The following DDX47 variants were observed in gnomAD, a reference collection of about 807,000 sequenced individuals.
The protein encoded by DDX47 is DEAD-box helicase 47.
DDX47 carries 60 observed loss-of-function variants against 58.8 expected under a neutral mutation model. That is an observed-to-expected ratio of 1.02 (90% CI 0.83 to 1.26). The LOEUF (loss-of-function observed/expected upper bound fraction) is 1.26. DDX47 is among the 50% of genes most tolerant of loss of function. DDX47 has a pLI of 0.00. For missense variants in DDX47, 530 were observed against 573.2 expected, an observed-to-expected ratio of 0.92 and a Z score of 0.77; for synonymous variants, 197 against 204.6, an observed-to-expected ratio of 0.96 and a Z score of 0.32.
intron 11 of DDX47, among the ~76,000 whole-genome samples, 167 bp downstream of exon 11, chr12:12,827,542 A>G (rs1432347249): frequency 6.6e-6 from 1 of 152,234 alleles, no homozygotes; most frequent in Non-Finnish European, 1.5e-5. Context: ...GCATTAGACC[A>G]TACAACCAAA....
Position 12,826,050 on chromosome 12 carries a change from G to C in DDX47, c.1086G>C (p.Lys362Asn), listed in dbSNP as rs1375504041. The C allele has an allele frequency of 6.2e-7, 1 of 1,613,616 alleles. No homozygotes were observed. The highest frequency in any genetic ancestry group is 1.3e-5 in the African/African-American group (1 of 74,912). ...CAGCTAGAGCTGGGCGCTCCGGAAA[G>C]GCTATTACTTTTGTCACACAGTAAG... is the stretch of plus-strand genomic sequence containing the variant. The part of the protein sequence containing the change: ...GRTARAGRSG[K>N]AITFVTQYDV... Residue 362 changes from lysine to asparagine, a missense_variant, in exon 10 of 12, where the codon AAG (lysine) becomes AAC (asparagine). Transcript: ENST00000358007.
chr12:12,822,423 T>G (rs1417667228), intron 5 of DDX47, among the ~76,000 whole-genome samples: 1 of 152,256 alleles, frequency 6.6e-6, no homozygotes, highest in Non-Finnish European at 1.5e-5. Flanking sequence ...AAATCAGCTC[T>G]GGTCTACTAA....
Position 12,813,426 on chromosome 12 carries a change from A to C in DDX47, c.59A>C (p.Glu20Ala). 6.2e-7 allele frequency: 1 copy of C among 1,612,996 alleles called. No homozygotes were observed. Among genetic ancestry groups the C allele is most frequent in the Non-Finnish European group, 8.5e-7 (1 of 1,179,490 alleles). ...PTEASQPIVE[E>A]EETKTFKDLG... ...GAAGCGTCCCAGCCGATTGTGGAAG[A>C]GGAGGAAACTAAAACATTTAAAGAC... Residue 20 changes from glutamate (E) to alanine (A), a missense_variant, in exon 1 of 12, where the codon GAG (glutamate) becomes GCG (alanine). By Grantham distance (107) the Glu-to-Ala change is moderately radical. Coordinates refer to ENST00000358007, the MANE Select transcript of DDX47 (RefSeq NM_016355.4).
rs560523469 is a variant in DDX47, at chr12:12,821,908, G to T, written c.443-57G>T. On this transcript the variant is annotated intron_variant, in intron 4 of 11. Transcript: ENST00000358007. ...ATAACTTTATTTGTTTATTTGTTTTGTTTTTTTTTTGTCCTGTTCTGAAAT... is the reference window on the plus strand; with the variant it reads ...ATAACTTTATTTGTTTATTTGTTTTTTTTTTTTTTTGTCCTGTTCTGAAAT... 470 of 1,121,226 alleles carry T rather than the reference G, an allele frequency of 4.2e-4. No homozygotes were observed. The highest frequency in any genetic ancestry group is 5.3e-4 in the South Asian group (35 of 66,536). The allele number at this position is 1,121,226 out of a possible 1,614,324, so 69.5% of individuals were successfully genotyped here. A position where few individuals can be genotyped will look rare whatever the true frequency, so the allele number is the denominator to read the frequency against.
chr12:12,815,270 T>C (rs57400462), intron 2 of DDX47, among the ~76,000 whole-genome samples: 6,699 of 152,310 alleles, frequency 0.044, 392 homozygotes, highest in African/African-American at 0.13. Flanking sequence ...TTATTATTGA[T>C]AATAATTGAA....
chr12:12,827,392 T>A lies in DDX47; in HGVS notation c.1236+17T>A, dbSNP rs12306594. On this transcript the variant is annotated intron_variant, in intron 11 of 11. Coordinates refer to ENST00000358007, the MANE Select transcript of DDX47 (RefSeq NM_016355.4). ...GCCCGAATGGTATGCATCTTTCTTT[T>A]CTCACCAGTGTCTGTGCAAACAATG... is the stretch of plus-strand genomic sequence containing the variant. 0.085 allele frequency: 136,630 copies of A among 1,613,146 alleles called. 10,270 individuals carry two copies. The highest frequency in any genetic ancestry group is 0.38 in the African/African-American group (28,437 of 74,912).
At chr12:12,816,588 C>T (rs1011934290) in intron 2 of DDX47, among the ~76,000 whole-genome samples, 8 of 152,068 alleles carry the variant, frequency 5.3e-5, no homozygotes, top group South Asian at 4.2e-4. Context: ...ATCCAAAGAG[C>T]GGTTATAGCT....
In DDX47 at chr12:12,813,469, C is replaced by T. The variant is rs1445397670; in HGVS notation, c.87+15C>T. On this transcript the variant is annotated intron_variant, in intron 1 of 11. Coordinates refer to ENST00000358007, the MANE Select transcript of DDX47 (RefSeq NM_016355.4). ...TTAAAGACCTGGTGAGAATGGATGACGCTGGCTTCTTTTATGTACTCTGGT... is the reference window on the plus strand; with the variant it reads ...TTAAAGACCTGGTGAGAATGGATGATGCTGGCTTCTTTTATGTACTCTGGT... 2 of 1,596,832 alleles carry T rather than the reference C, an allele frequency of 1.3e-6. No homozygotes were observed. Among genetic ancestry groups the T allele is most frequent in the Non-Finnish European group, 1.7e-6 (2 of 1,170,980 alleles).
chr12:12,817,152 A>C (rs1862908713), intron 2 of DDX47, among the ~76,000 whole-genome samples: 1 of 152,206 alleles, frequency 6.6e-6, no homozygotes, highest in African/African-American at 2.4e-5. Context: ...AATAACTTCT[A>C]AATTTGAATT....
chr12:12,814,865 T>C (rs1862873993), intron 2 of DDX47, among the ~76,000 whole-genome samples: 2 of 152,048 alleles, frequency 1.3e-5, no homozygotes. Context: ...TTAGTAGAGA[T>C]GGGGTTTCAG....
In DDX47 at chr12:12,829,457, C is replaced by T. The variant is rs934033688; in HGVS notation, c.1271C>T (p.Ser424Leu). The change falls in exon 12 of 12, where the codon TCG becomes TTG. Residue 424 changes from serine (S) to leucine (L), a missense_variant. By Grantham distance (145) the Ser-to-Leu change is moderately radical (BLOSUM62 -2). Coordinates refer to ENST00000358007, the MANE Select transcript of DDX47 (RefSeq NM_016355.4). ...LREHGEKKKR[S>L]REDAGDNDDT... Reference sequence around the variant, plus strand: ...GAGCATGGAGAAAAGAAGAAACGCTCGCGAGAGGATGCTGGAGATAATGAT... The same window carrying T: ...GAGCATGGAGAAAAGAAGAAACGCTTGCGAGAGGATGCTGGAGATAATGAT... The T allele has an allele frequency of 1.7e-5, 27 of 1,612,890 alleles. No homozygotes were observed. The highest frequency in any genetic ancestry group is 7.7e-5 in the South Asian group (7 of 90,878).
chr12:12,814,264 T>G, intron 2 of DDX47, 40 bp downstream of exon 2: 1 of 1,266,780 alleles, frequency 7.9e-7, no homozygotes. Context: ...TATAAAGTTA[T>G]CTCAATTAGA....
At chr12:12,826,154 T>C (rs1213825614) in intron 10 of DDX47, 84 bp downstream of exon 10, 6 of 1,063,836 alleles carry the variant, frequency 5.6e-6, no homozygotes, top group African/African-American at 3.2e-5. Context: ...GACACTACCA[T>C]TTACTACACT....
intron 11 of DDX47, among the ~76,000 whole-genome samples, chr12:12,828,040 T>G (rs1481002085): frequency 6.6e-6 from 1 of 151,992 alleles, no homozygotes; most frequent in Non-Finnish European, 1.5e-5. Context: ...TAATTTTGTA[T>G]TTTTAGTAGA....
intron 2 of DDX47, among the ~76,000 whole-genome samples, chr12:12,815,192 C>T (rs1862878311): frequency 6.6e-6 from 1 of 152,052 alleles, no homozygotes; most frequent in African/African-American, 2.4e-5. Context: ...GTAGCTATTA[C>T]TGTATTACTA....
intron 8 of DDX47, 93 bp downstream of exon 8, chr12:12,824,109 C>G: frequency 7.2e-7 from 1 of 1,396,852 alleles, no homozygotes; most frequent in South Asian, 1.4e-5. Flanking sequence ...CCATAGGGCA[C>G]CGATGCCTGT....
chr12:12,817,439 A>G (rs543874662), intron 2 of DDX47, among the ~76,000 whole-genome samples: 18 of 152,306 alleles, frequency 1.2e-4, no homozygotes, highest in South Asian at 4.1e-4. Context: ...TTTGATGGGC[A>G]TGGTGGTTCA....
At chr12:12,824,758 G>A in intron 9 of DDX47, 81 bp downstream of exon 9, 1 of 1,458,816 alleles carries the variant, frequency 6.9e-7, no homozygotes, top group South Asian at 1.2e-5. Flanking sequence ...CTTAGTTACA[G>A]CAGTTATTTT....
chr12:12,823,471 C>T (rs1198607362), intron 7 of DDX47, 152 bp downstream of exon 7: 13 of 620,446 alleles, frequency 2.1e-5, no homozygotes, highest in South Asian at 3.9e-5. Flanking sequence ...ATATTATCAC[C>T]GATAAGCCAG....
Sources: allele counts gnomAD v4.1 joint callset (sites outside exome capture counted in the v4.1 genomes callset), GRCh38; gene constraint gnomAD v4.1.1; transcripts MANE v1.5; gene names NCBI Gene and HGNC (gene_info 2026-07-23, HGNC 2026-07-21).